The following SCAI variants were observed in gnomAD, a reference collection of about 807,000 sequenced individuals.
The protein encoded by SCAI is suppressor of cancer cell invasion, also known as protein SCAI.
A neutral mutation model predicts 92.2 loss-of-function variants in SCAI; 24 were observed. The ratio of observed to expected loss-of-function variants is 0.26; its 90% confidence interval spans 0.19 to 0.37. The LOEUF is 0.37. SCAI is among the 10% of genes least tolerant of loss of function. The pLI, the probability that SCAI is intolerant of heterozygous loss-of-function variation, is 1.00. For missense variants in SCAI, 450 were observed against 736.2 expected (o/e 0.61, Z 4.50); for synonymous variants, 261 against 258.6 (o/e 1.01, Z -0.09).
At chr9:125,110,355 T>C (rs1834905946) in intron 2 of SCAI, among the ~76,000 whole-genome samples, 1 of 152,154 alleles carries the variant, frequency 6.6e-6, no homozygotes, top group African/African-American at 2.4e-5. Context: ...AACACAATTT[T>C]AAAAATTAGC....
At chr9:125,013,486 G>A (rs1161934333) in intron 9 of SCAI, among the ~76,000 whole-genome samples, 2 of 152,206 alleles carry the variant, frequency 1.3e-5, no homozygotes, top group African/African-American at 4.8e-5. Flanking sequence ...CCAGGAAGAA[G>A]TTGAATCTCT....
At chr9:125,039,277 C>T (rs1406200610) in intron 3 of SCAI, among the ~76,000 whole-genome samples, 2 of 151,480 alleles carry the variant, frequency 1.3e-5, no homozygotes, top group African/African-American at 4.9e-5. Flanking sequence ...GTCCCAGCCA[C>T]TCGGGAGGCT....
At chr9:125,106,122 A>AAAATATATATATAT (rs1554791724) in intron 2 of SCAI, among the ~76,000 whole-genome samples, 1 of 8,864 alleles carries the variant, frequency 1.1e-4, no homozygotes, top group African/African-American at 2.3e-4. Flanking sequence ...AAAAAAAAAA[A>AAAATATATATATAT]ATATATATAT....
Position 125,069,564 on chromosome 9 carries a change from C to T in SCAI, c.99-13557G>A, listed in dbSNP as rs1456322323. Among the ~76,000 whole-genome samples, 4 of 150,528 alleles carry T rather than the reference C, an allele frequency of 2.7e-5. No individual in the cohort carries two copies. In the East Asian group the frequency reaches 5.9e-4, roughly 22 times the overall value. On this transcript the variant is annotated intron_variant, in intron 2 of 17. Transcript: ENST00000336505. ...CGATCTCCTGACCTTGTGATCCGCC[C>T]GCCTCAGCCTCCCAAAGTGCTGGGA...
intron 2 of SCAI, among the ~76,000 whole-genome samples, chr9:125,072,028 C>CTTT (rs56309523): frequency 4.4e-4 from 64 of 145,694 alleles, no homozygotes; most frequent in African/African-American, 1.5e-3. Flanking sequence ...AGTAGATAGT[C>CTTT]TTTTTTTTTT....
rs150983142 is a variant in SCAI, at chr9:125,042,615, A to ATGTG, written c.231-12880_231-12877dup. On this transcript the variant is annotated intron_variant, in intron 3 of 17. Transcript: ENST00000336505. Reference sequence around the variant, plus strand: ...CTAAATGCATGGCTTCCACCAGAGTATGTGTGTGTGTGTGTGTGTACACAC... The same window carrying ATGTG: ...CTAAATGCATGGCTTCCACCAGAGTATGTGTGTGTGTGTGTGTGTGTGTACACAC... Among the ~76,000 whole-genome samples, 114 of 105,206 alleles carry ATGTG rather than the reference A, an allele frequency of 1.1e-3. No individual in the cohort carries two copies. In the Middle Eastern group the frequency reaches 0.015, roughly 14 times the overall value. 69.0% of individuals were successfully genotyped at this position (105,206 alleles called of 152,430 possible).
chr9:124,971,518 T>C, intron 16 of SCAI, 48 bp from the exon 17 acceptor site: 1 of 1,497,044 alleles, frequency 6.7e-7, no homozygotes, highest in South Asian at 1.2e-5. Context: ...AAATGGAAAT[T>C]ATGTTTCAAA....
chr9:125,089,666 G>GT (rs544942005), intron 2 of SCAI, among the ~76,000 whole-genome samples: 63 of 150,454 alleles, frequency 4.2e-4, no homozygotes, highest in Middle Eastern at 3.4e-3. Context: ...ATCTAGCTGG[G>GT]TTTTTTTTTG....
intron 3 of SCAI, among the ~76,000 whole-genome samples, chr9:125,036,332 G>C (rs1212141646): frequency 6.6e-6 from 1 of 152,068 alleles, no homozygotes; most frequent in Non-Finnish European, 1.5e-5. Context: ...TATTTCTATG[G>C]GGCAGGGAAA....
intron 15 of SCAI, among the ~76,000 whole-genome samples, chr9:124,973,941 C>T (rs1831707625): frequency 6.6e-6 from 1 of 152,334 alleles, no homozygotes; most frequent in Middle Eastern, 3.4e-3. Flanking sequence ...TTCCCACCCC[C>T]ATCTAGTTCT....
At chr9:125,047,673 G>C (rs1791476694) in intron 3 of SCAI, among the ~76,000 whole-genome samples, 1 of 152,150 alleles carries the variant, frequency 6.6e-6, no homozygotes, top group Non-Finnish European at 1.5e-5. Flanking sequence ...AACTAAAACT[G>C]GGAGGAATTT....
chr9:125,008,495 A>G (rs1040616193), intron 9 of SCAI, among the ~76,000 whole-genome samples: 1 of 152,204 alleles, frequency 6.6e-6, no homozygotes, highest in African/African-American at 2.4e-5. Flanking sequence ...AGGAAAAAAA[A>G]ATTTAATCTA....
intron 9 of SCAI, among the ~76,000 whole-genome samples, chr9:125,015,405 T>G (rs1171075156): frequency 6.6e-6 from 1 of 152,048 alleles, no homozygotes; most frequent in African/African-American, 2.4e-5. Flanking sequence ...AAGAAGACAT[T>G]TATGCAGCCA....
chr9:125,095,658 T>C (rs1490418974), intron 2 of SCAI, among the ~76,000 whole-genome samples: 1 of 152,244 alleles, frequency 6.6e-6, no homozygotes, highest in Non-Finnish European at 1.5e-5. Flanking sequence ...TGATGTAACT[T>C]TGAGAACTTG....
intron 2 of SCAI, among the ~76,000 whole-genome samples, chr9:125,129,038 A>G (rs552497000): frequency 1.3e-5 from 2 of 152,076 alleles, no homozygotes; most frequent in South Asian, 2.1e-4. Context: ...ACTCCAGCCT[A>G]AGCAACAAGA....
intron 17 of SCAI, chr9:124,968,670 TG>T: frequency 7.8e-7 from 1 of 1,283,660 alleles, no homozygotes; most frequent in Non-Finnish European, 1.1e-6. Flanking sequence ...AGAGCCTGGG[TG>T]GCCCAAAGTT....
In SCAI at chr9:124,950,677, A is replaced by G. The variant is rs952521288; in HGVS notation, c.*2130T>C. Reference sequence around the variant, plus strand: ...CTTTACCTGAAAATGAAAACCCACTAGCAAAGGAAATCTTTCCAGGGTAAC... The same window carrying G: ...CTTTACCTGAAAATGAAAACCCACTGGCAAAGGAAATCTTTCCAGGGTAAC... On this transcript the variant is annotated 3_prime_UTR_variant, in exon 18 of 18. Coordinates refer to ENST00000336505, the MANE Select transcript of SCAI (RefSeq NM_001144877.3). 1 of 152,220 alleles carries G rather than the reference A, an allele frequency of 6.6e-6. No individual in the cohort carries two copies. Among genetic ancestry groups the G allele is most frequent in the Non-Finnish European group, 1.5e-5 (1 of 68,038 alleles). 9.4% of individuals were successfully genotyped at this position (152,220 alleles called of 1,614,324 possible).
At chr9:125,118,089 T>C (rs911554464) in intron 2 of SCAI, among the ~76,000 whole-genome samples, 2 of 152,164 alleles carry the variant, frequency 1.3e-5, no homozygotes, top group Admixed American at 6.5e-5. Context: ...CTACCTGTAA[T>C]CAACTAATCA....
intron 6 of SCAI, among the ~76,000 whole-genome samples, chr9:125,025,293 T>C (rs1362571929): frequency 1.7e-4 from 26 of 152,204 alleles, no homozygotes; most frequent in Admixed American, 1.7e-3. Flanking sequence ...TACTTCTAAA[T>C]AATATGCTCT....
Sources: gnomAD v4.1 joint callset for allele counts (sites outside exome capture counted in the v4.1 genomes callset) on GRCh38, gnomAD v4.1.1 for gene constraint, MANE v1.5 for transcripts, NCBI Gene and HGNC (gene_info 2026-07-23, HGNC 2026-07-21) for gene names.